The following GUCD1 variants were observed in gnomAD, a reference collection of about 807,000 sequenced individuals.
The protein encoded by GUCD1 is guanylyl cyclase domain containing 1, also known as protein GUCD1.
A neutral mutation model predicts 28.3 loss-of-function variants in GUCD1; 17 were observed. That is an observed-to-expected ratio of 0.60 (90% CI 0.41 to 0.90). The LOEUF (loss-of-function observed/expected upper bound fraction) is 0.90. Ranked by LOEUF, GUCD1 falls within the 40% of genes least tolerant of loss-of-function variation. The probability of loss-of-function intolerance (pLI) is 0.00; values close to 1 mark genes in which losing one functional copy is unlikely to be tolerated. For synonymous variants in GUCD1, 129 were observed against 123.3 expected (o/e 1.05, Z -0.30); for missense variants, 279 against 305.5 (o/e 0.91, Z 0.65).
intron 1 of GUCD1, among the ~76,000 whole-genome samples, chr22:24,551,880 A>G (rs536238562): frequency 6.6e-6 from 1 of 152,356 alleles, no homozygotes; most frequent in Admixed American, 6.5e-5. Context: ...GGTGCAGAAG[A>G]TATCCACAAC....
intron 4 of GUCD1, 31 bp from the exon 5 acceptor site, chr22:24,544,114 G>C (rs1372249781): frequency 6.3e-7 from 1 of 1,596,694 alleles, no homozygotes; most frequent in South Asian, 1.1e-5. Context: ...AGCTGGTGCT[G>C]CTGGGCCCCC....
chr22:24,554,310 G>A (rs113310410), intron 1 of GUCD1, among the ~76,000 whole-genome samples: 102 of 152,324 alleles, frequency 6.7e-4, no homozygotes, highest in African/African-American at 2.4e-3. Context: ...AGACACAAAA[G>A]GGAACACTCC....
At chr22:24,547,031 T>C (rs371379995) in intron 3 of GUCD1, 26 bp from the exon 4 acceptor site, 1 of 1,558,872 alleles carries the variant, frequency 6.4e-7, no homozygotes, top group East Asian at 2.2e-5. Context: ...GGGGATGGAG[T>C]GGCCACCACC....
At chr22:24,546,240 C>T (rs1237887544) in intron 4 of GUCD1, among the ~76,000 whole-genome samples, 3 of 152,232 alleles carry the variant, frequency 2.0e-5, no homozygotes, top group Non-Finnish European at 4.4e-5. Flanking sequence ...GGATTACAGG[C>T]GTGAGCCACC....
At position 24,548,609 on chromosome 22, in the gene GUCD1, A is replaced by C. The variant is rs539691224; in HGVS notation, c.128+308T>G. Among the ~76,000 whole-genome samples, 9 of 152,278 alleles carry C rather than the reference A, an allele frequency of 5.9e-5. No individual in the cohort carries two copies. In the East Asian group the frequency reaches 1.7e-3, roughly 29 times the overall value. ...ACGGTCAGCACCCCATTCTCCCAGG[A>C]GCCAGAAACTGGGGAGTGGAGGGCC... On this transcript the variant is annotated intron_variant, in intron 2 of 5. Coordinates refer to ENST00000435822, the MANE Select transcript of GUCD1 (RefSeq NM_001284254.2).
chr22:24,548,982 AGGC>A lies in GUCD1; in HGVS notation c.60_62del (p.Pro21del). On this transcript the variant is annotated inframe_deletion, in exon 2 of 6. Coordinates refer to ENST00000435822, the MANE Select transcript of GUCD1 (RefSeq NM_001284254.2). ...GGTAGAGCTGCTGGATGACGGGCAC[AGGC>A]AGTTGCACAAAGTCCCCTGTGCAGA... 1.3e-6 allele frequency: 2 copies of A among 1,581,586 alleles called. No homozygotes were observed. Among genetic ancestry groups the A allele is most frequent in the Non-Finnish European group, 1.7e-6 (2 of 1,163,410 alleles).
chr22:24,547,092 AGGCAGAGACAGCAGGAG>A, intron 3 of GUCD1, 87 bp from the exon 4 acceptor site: 1 of 1,046,946 alleles, frequency 9.6e-7, no homozygotes, highest in Non-Finnish European at 1.5e-6. Flanking sequence ...CGTGTTACAG[AGGCAGAGACAGCAGGAG>A]GGCAGAGGAG....
At chr22:24,553,791 C>A (rs991669772) in intron 1 of GUCD1, among the ~76,000 whole-genome samples, 2 of 152,250 alleles carry the variant, frequency 1.3e-5, no homozygotes, top group Non-Finnish European at 2.9e-5. Flanking sequence ...GATCCTGAGG[C>A]CTGGCAGGCC....
intron 4 of GUCD1, among the ~76,000 whole-genome samples, chr22:24,545,209 C>T (rs1349906878): frequency 6.6e-6 from 1 of 152,076 alleles, no homozygotes; most frequent in Non-Finnish European, 1.5e-5. Flanking sequence ...TCAGCCACAG[C>T]TGAGTCACGT....
At chr22:24,555,203 A>G (rs867765502), upstream of GUCD1, 2 of 1,237,432 alleles carry the variant, frequency 1.6e-6, no homozygotes, top group Non-Finnish European at 2.0e-6. Flanking sequence ...CCCCCTCCTT[A>G]GGCCCCGCCC....
At chr22:24,555,139 G>T (rs919091434), upstream of GUCD1, 7 of 1,305,700 alleles carry the variant, frequency 5.4e-6, no homozygotes, top group African/African-American at 1.1e-4. Flanking sequence ...GGCGGCGGCT[G>T]GGCCGCCCCA....
At chr22:24,543,681 G>A (rs1429276023) in intron 5 of GUCD1, among the ~76,000 whole-genome samples, 161 bp downstream of exon 5, 1 of 151,988 alleles carries the variant, frequency 6.6e-6, no homozygotes, top group Admixed American at 6.5e-5. Flanking sequence ...CCTGAGGGGT[G>A]GCCACAGTGA....
intron 5 of GUCD1, 35 bp downstream of exon 5, chr22:24,543,807 A>AC (rs772891827): frequency 1.9e-6 from 3 of 1,606,278 alleles, no homozygotes; most frequent in Non-Finnish European, 2.6e-6. Flanking sequence ...GTGAATGTGG[A>AC]CCACTCTGCC....
At chr22:24,553,954 C>A (rs1427154006) in intron 1 of GUCD1, among the ~76,000 whole-genome samples, 1 of 152,260 alleles carries the variant, frequency 6.6e-6, no homozygotes, top group African/African-American at 2.4e-5. Flanking sequence ...CTGCCTGGAG[C>A]CAAAGGGCTG....
In GUCD1 at chr22:24,544,372, A is replaced by C. The variant is rs527414331; in HGVS notation, c.387-289T>G. Among the ~76,000 whole-genome samples the C allele has an allele frequency of 2.0e-5, 3 of 152,188 alleles. No individual in the cohort carries two copies. In the South Asian group the frequency reaches 6.2e-4, roughly 32 times the overall value. ...CTCCAGGTGGGTCCAGTCAAGGGCC[A>C]CTAGAGCAGCACACAGAAACCATCC... On this transcript the variant is annotated intron_variant, in intron 4 of 5. Coordinates refer to ENST00000435822, the MANE Select transcript of GUCD1 (RefSeq NM_001284254.2).
Position 24,548,984 on chromosome 22 carries a change from G to T in GUCD1, c.61C>A (p.Pro21Thr). The T allele has an allele frequency of 6.3e-7, 1 of 1,581,032 alleles. No homozygotes were observed. The highest frequency in any genetic ancestry group is 8.6e-7 in the Non-Finnish European group (1 of 1,163,100). The change falls in exon 2 of 6, where the codon CCT (proline) becomes ACT (threonine). Residue 21 changes from proline (P) to threonine (T), a missense_variant. Transcript: ENST00000435822. ...PLEPGDFVQL[P>T]VPVIQQLYHW... is the part of the protein sequence containing the mutation. ...TAGAGCTGCTGGATGACGGGCACAG[G>T]CAGTTGCACAAAGTCCCCTGTGCAG...
Position 24,543,874 on chromosome 22 carries a change from C to T in GUCD1, c.596G>A (p.Cys199Tyr). ...VLRGYNRATG[C>Y]IFYNNPAYAD... ...ATAGGCTGGGTTGTTGTAGAAGATGCAGCCAGTGGCCCGGTTGTAGCCACG... is the reference window on the plus strand; with the variant it reads ...ATAGGCTGGGTTGTTGTAGAAGATGTAGCCAGTGGCCCGGTTGTAGCCACG... The change falls in exon 5 of 6, where the codon TGC (cysteine) becomes TAC (tyrosine). Residue 199 changes from cysteine (C) to tyrosine (Y), a missense_variant. Physicochemically the swap from Cys to Tyr is radical, Grantham distance 194. Transcript: ENST00000435822. The T allele has an allele frequency of 1.2e-6, 2 of 1,614,032 alleles. No individual in the cohort carries two copies. The highest frequency in any genetic ancestry group is 1.3e-5 in the African/African-American group (1 of 75,036).
At chr22:24,555,467 A>C (rs1437539363), upstream of GUCD1, 1 of 1,161,088 alleles carries the variant, frequency 8.6e-7, no homozygotes, top group Non-Finnish European at 1.2e-6. Flanking sequence ...TCCTAGGTGT[A>C]AGCCCTGATC....
At position 24,543,988 on chromosome 22, in the gene GUCD1, G is replaced by A; in HGVS notation, c.482C>T (p.Ser161Phe). The change falls in exon 5 of 6, where the codon TCC (serine) becomes TTC (phenylalanine). Residue 161 changes from serine (S) to phenylalanine (F), a missense_variant. Physicochemically the swap from Ser to Phe is radical, Grantham distance 155 (BLOSUM62 -2). Transcript: ENST00000435822. ...GAAGCAGCAGTACTTGACAGGGCTG[G>A]AGCACAGGTCACAGTGCAGCACCCC... ...NSGVLHCDLC[S>F]SPVKYCCFTP... is the part of the protein sequence containing the mutation. The A allele has an allele frequency of 6.2e-7, 1 of 1,614,024 alleles. No individual in the cohort carries two copies. Among genetic ancestry groups the A allele is most frequent in the Non-Finnish European group, 8.5e-7 (1 of 1,179,982 alleles).
Sources: gnomAD v4.1 joint callset for allele counts (sites outside exome capture counted in the v4.1 genomes callset) on GRCh38, gnomAD v4.1.1 for gene constraint, MANE v1.5 for transcripts, NCBI Gene and HGNC (gene_info 2026-07-23, HGNC 2026-07-21) for gene names.